DPP6: variants seen among roughly 807,000 people sequenced by gnomAD.
DPP6 encodes the protein dipeptidyl peptidase like 6, also known as A-type potassium channel modulatory protein DPP6.
Under a neutral mutation model 122.6 loss-of-function variants are expected in DPP6, and 69 were observed. That is an observed-to-expected ratio of 0.56 (90% CI 0.46 to 0.69). DPP6 has a LOEUF of 0.69. DPP6 is among the 30% of genes least tolerant of loss of function. The probability of loss-of-function intolerance (pLI) is 0.00; values close to 1 mark genes in which losing one functional copy is unlikely to be tolerated. For missense variants in DPP6, 928 were observed against 1,116.9 expected, an observed-to-expected ratio of 0.83 and a Z score of 2.41; for synonymous variants, 418 against 433.1, an observed-to-expected ratio of 0.97 and a Z score of 0.43.
chr7:153,846,922 C>T, the DPP6 span, among the ~76,000 whole-genome samples: 2 of 151,970 alleles, frequency 1.3e-5, no homozygotes, highest in Admixed American at 1.3e-4. Context: ...TGGCTACCCT[C>T]GTGATCCGCC....
rs375812746 is a variant in DPP6, at chr7:154,456,857, G to A, written c.358+10529G>A. ...GGTTTTCTAGATAAACAATCATGTC[G>A]TCTGCAAACAGGGACAATTTGACTT... On this transcript the variant is annotated intron_variant, in intron 2 of 25. Coordinates refer to ENST00000377770, the MANE Select transcript of DPP6 (RefSeq NM_130797.4). Among the ~76,000 whole-genome samples, 3 of 56,484 alleles carry A rather than the reference G, an allele frequency of 5.3e-5. 1 individual carries two copies. The highest frequency in any genetic ancestry group is 7.1e-5 in the Non-Finnish European group (2 of 28,284). The allele number at this position is 56,484 out of a possible 152,430, so 37.1% of individuals were successfully genotyped here. A position where few individuals can be genotyped will look rare whatever the true frequency, so the allele number is the denominator to read the frequency against.
intron 1 of DPP6, among the ~76,000 whole-genome samples, chr7:154,248,817 G>A (rs1341594118): frequency 1.3e-5 from 2 of 151,794 alleles, no homozygotes; most frequent in East Asian, 3.9e-4. Context: ...AGTGAGCCGA[G>A]ATTGCGCCAC....
Position 154,463,974 on chromosome 7 carries a change from A to G in DPP6, c.359-10965A>G, listed in dbSNP as rs183114201. ...TGGCCACCCCAGCTGCTGTCTCACT[A>G]GGTTGTGTGTCCCCCAAGTGTACTG... is the stretch of plus-strand genomic sequence containing the variant. On this transcript the variant is annotated intron_variant, in intron 2 of 25. Transcript: ENST00000377770. Among the ~76,000 whole-genome samples, 12 of 152,274 alleles carry G rather than the reference A, an allele frequency of 7.9e-5. No homozygotes were observed. In the East Asian group the frequency reaches 1.9e-3, roughly 25 times the overall value.
At chr7:154,215,579 C>G (rs568062774) in intron 1 of DPP6, among the ~76,000 whole-genome samples, 156 of 152,280 alleles carry the variant, frequency 1.0e-3, no homozygotes, top group Non-Finnish European at 1.8e-3. Context: ...TCTTGTCTCT[C>G]CCAGTAGATT....
intron 1 of DPP6, among the ~76,000 whole-genome samples, chr7:154,364,252 A>G (rs1356728671): frequency 6.6e-6 from 1 of 152,148 alleles, no homozygotes; most frequent in Non-Finnish European, 1.5e-5. Context: ...TTTGAAATTC[A>G]CCATACTCAC....
At chr7:154,470,733 T>C (rs541575181) in intron 2 of DPP6, among the ~76,000 whole-genome samples, 2 of 152,288 alleles carry the variant, frequency 1.3e-5, no homozygotes, top group African/African-American at 2.4e-5. Context: ...TGAAGTGCCA[T>C]GGAGTTTTCT....
chr7:154,797,072 A>G (rs981475528), intron 12 of DPP6, among the ~76,000 whole-genome samples: 1 of 152,248 alleles, frequency 6.6e-6, no homozygotes, highest in African/African-American at 2.4e-5. Flanking sequence ...ATATAAGCAT[A>G]CATATCAAAA....
Position 154,503,473 on chromosome 7 carries a change from G to A in DPP6, c.457+28436G>A, listed in dbSNP as rs572800810. ...CTTATGTAACTACTGGAGGCAAGGT[G>A]GGCTCTCTTGACTGAAAGCACTCTG... On this transcript the variant is annotated intron_variant, in intron 3 of 25. Transcript: ENST00000377770. Among the ~76,000 whole-genome samples, 3 of 152,290 alleles carry A rather than the reference G, an allele frequency of 2.0e-5. No homozygotes were observed. In the East Asian group the frequency reaches 5.8e-4, roughly 29 times the overall value.
At chr7:154,719,105 G>A (rs1206795978) in intron 7 of DPP6, among the ~76,000 whole-genome samples, 2 of 151,854 alleles carry the variant, frequency 1.3e-5, no homozygotes, top group East Asian at 1.9e-4. Flanking sequence ...GAATCAGAGA[G>A]TGGTAGCCTT....
chr7:153,981,243 A>G (rs1796568309), intron 1 of DPP6, among the ~76,000 whole-genome samples: 1 of 152,202 alleles, frequency 6.6e-6, no homozygotes, highest in Non-Finnish European at 1.5e-5. Flanking sequence ...TATTGGGTGC[A>G]TACATATTTA....
chr7:154,842,409 T>C (rs1801625991), intron 16 of DPP6, among the ~76,000 whole-genome samples: 2 of 152,248 alleles, frequency 1.3e-5, no homozygotes, highest in African/African-American at 4.8e-5. Flanking sequence ...CAGTTTTGTG[T>C]CCTTTTTAAT....
chr7:154,551,350 C>T (rs1436825319), intron 4 of DPP6, among the ~76,000 whole-genome samples: 1 of 152,036 alleles, frequency 6.6e-6, no homozygotes, highest in Non-Finnish European at 1.5e-5. Flanking sequence ...TCCTTTCAGC[C>T]TTTGTAGCAG....
At chr7:154,787,920 T>C (rs1797439358) in intron 10 of DPP6, among the ~76,000 whole-genome samples, 1 of 152,208 alleles carries the variant, frequency 6.6e-6, no homozygotes, top group Admixed American at 6.5e-5. Flanking sequence ...GTTTTGTTTT[T>C]AGCCTTCTTT....
intron 1 of DPP6, among the ~76,000 whole-genome samples, chr7:154,029,373 T>C (rs946312291): frequency 3.3e-5 from 5 of 150,384 alleles, no homozygotes; most frequent in East Asian, 2.0e-4. Context: ...AAAAAATAGC[T>C]GGGCGCGGTG....
At chr7:153,970,151 A>C (rs1795955215) in intron 1 of DPP6, among the ~76,000 whole-genome samples, 1 of 152,230 alleles carries the variant, frequency 6.6e-6, no homozygotes, top group African/African-American at 2.4e-5. Context: ...ACTCATGCAT[A>C]GGCAATTCTG....
At chr7:154,230,067 A>G (rs1800832224) in intron 1 of DPP6, among the ~76,000 whole-genome samples, 1 of 152,152 alleles carries the variant, frequency 6.6e-6, no homozygotes, top group Non-Finnish European at 1.5e-5. Context: ...TAGAGTTTGC[A>G]AGATCTGAAC....
chr7:154,818,519 A>AAAT (rs1799559105), intron 16 of DPP6, among the ~76,000 whole-genome samples: 1 of 152,234 alleles, frequency 6.6e-6, no homozygotes, highest in Non-Finnish European at 1.5e-5. Context: ...AGAGCTAGAA[A>AAAT]AATAATACAT....
chr7:154,017,412 A>G (rs6966741), intron 1 of DPP6, among the ~76,000 whole-genome samples: 3,886 of 152,206 alleles, frequency 0.026, 173 homozygotes, highest in African/African-American at 0.089. Context: ...CAAAATATCT[A>G]GAGGAGGCTG....
At chr7:154,281,653 G>A (rs1804523883) in intron 1 of DPP6, among the ~76,000 whole-genome samples, 1 of 152,164 alleles carries the variant, frequency 6.6e-6, no homozygotes, top group African/African-American at 2.4e-5. Context: ...AGGATATTAT[G>A]CTAAGTGGTA....
Sources: gnomAD v4.1 joint callset for allele counts (sites outside exome capture counted in the v4.1 genomes callset) on GRCh38, gnomAD v4.1.1 for gene constraint, MANE v1.5 for transcripts, NCBI Gene and HGNC (gene_info 2026-07-23, HGNC 2026-07-21) for gene names.